APBA1: variants seen among roughly 807,000 people sequenced by gnomAD.
The protein encoded by APBA1 is amyloid-beta A4 precursor protein-binding family A member 1.
In APBA1, 55 loss-of-function variants were observed where a neutral mutation model predicts 86.6. The ratio of observed to expected loss-of-function variants is 0.64; its 90% CI spans 0.51 to 0.80. The LOEUF (loss-of-function observed/expected upper bound fraction) is 0.80. APBA1 is among the 30% of genes least tolerant of loss of function. The pLI is 0.00. For missense variants in APBA1, 1,090 were observed against 1,183.0 expected, an observed-to-expected ratio of 0.92 and a Z score of 1.15; for synonymous variants, 511 against 493.9, an observed-to-expected ratio of 1.03 and a Z score of -0.46.
intron 1 of APBA1, among the ~76,000 whole-genome samples, chr9:69,538,329 C>A (rs558778618): frequency 7.9e-5 from 12 of 152,314 alleles, no homozygotes; most frequent in African/African-American, 2.9e-4. Context: ...GGGTTGACAT[C>A]TTTAAACATC....
intron 9 of APBA1, 136 bp from the exon 10 acceptor site, chr9:69,449,932 T>C: frequency 1.5e-6 from 1 of 674,334 alleles, no homozygotes; most frequent in Non-Finnish European, 2.5e-6. Context: ...TGAGTTCCTG[T>C]CTTCTCAGCA....
At chr9:69,467,787 C>A in intron 5 of APBA1, 36 bp downstream of exon 5, 1 of 1,612,788 alleles carries the variant, frequency 6.2e-7, no homozygotes, top group Non-Finnish European at 8.5e-7. Context: ...CCTACACCAG[C>A]CCCCTGTCCC....
intron 1 of APBA1, among the ~76,000 whole-genome samples, chr9:69,645,379 T>C (rs1437452326): frequency 1.3e-5 from 2 of 152,118 alleles, no homozygotes; most frequent in Non-Finnish European, 2.9e-5. Flanking sequence ...TAAGGCAAGA[T>C]CTCATAACAA....
At chr9:69,495,630 A>G (rs1835782123) in intron 2 of APBA1, among the ~76,000 whole-genome samples, 1 of 152,054 alleles carries the variant, frequency 6.6e-6, no homozygotes, top group Non-Finnish European at 1.5e-5. Flanking sequence ...GATGTTTCTG[A>G]GAAGGGGCTG....
At position 69,516,781 on chromosome 9, in the gene APBA1, G is replaced by C. The variant is rs767220848; in HGVS notation, c.430C>G (p.Arg144Gly). The part of the protein sequence containing the change: ...EAEHAEATHR[R>G]ALPNHLHFHS... ...AAGTGCAGGTGGTTGGGCAGCGCGCGGCGGTGCGTGGCCTCGGCGTGCTCG... is the reference window on the plus strand; with the variant it reads ...AAGTGCAGGTGGTTGGGCAGCGCGCCGCGGTGCGTGGCCTCGGCGTGCTCG... The change falls in exon 2 of 13, where the codon CGC becomes GGC. Residue 144 changes from arginine to glycine, a missense_variant. This residue lies in a region of APBA1 where 678 missense variants were observed against 647.1 expected (regional missense o/e 1.05). Transcript: ENST00000265381. The surrounding 1 kb of genome is among the most constrained non-coding windows in gnomAD (Gnocchi z 7.3). 1 of 1,610,832 alleles carries C rather than the reference G, an allele frequency of 6.2e-7. No individual in the cohort carries two copies. Among genetic ancestry groups the C allele is most frequent in the East Asian group, 2.2e-5 (1 of 44,820 alleles).
At position 69,516,805 on chromosome 9, in the gene APBA1, C is replaced by G. The variant is rs369791049; in HGVS notation, c.406G>C (p.Glu136Gln). 18 of 1,608,606 alleles carry G rather than the reference C, an allele frequency of 1.1e-5. No homozygotes were observed. The highest frequency in any genetic ancestry group is 5.3e-5 in the African/African-American group (4 of 74,900). The part of the protein sequence containing the change: ...AEEYTEQAEA[E>Q]HAEATHRRAL... ...CGGCGGTGCGTGGCCTCGGCGTGCT[C>G]GGCCTCTGCCTGCTCCGTGTACTCC... The change falls in exon 2 of 13, where the codon GAG becomes CAG. Residue 136 changes from glutamate to glutamine, a missense_variant. Coordinates refer to ENST00000265381, the MANE Select transcript of APBA1 (RefSeq NM_001163.4). The surrounding 1 kb of genome is among the most constrained non-coding windows in gnomAD (Gnocchi z 7.3).
intron 1 of APBA1, among the ~76,000 whole-genome samples, chr9:69,528,913 A>C (rs1836383159): frequency 6.6e-6 from 1 of 151,982 alleles, no homozygotes; most frequent in African/African-American, 2.4e-5. Context: ...GTAATTCATT[A>C]AAATGTAGTC....
chr9:69,476,519 C>A (rs1021975817), intron 2 of APBA1, among the ~76,000 whole-genome samples: 1 of 152,054 alleles, frequency 6.6e-6, no homozygotes, highest in Non-Finnish European at 1.5e-5. Context: ...TTTAGGGTAC[C>A]GAATGTCTTA....
intron 3 of APBA1, among the ~76,000 whole-genome samples, chr9:69,472,005 G>T (rs1166220119): frequency 6.6e-6 from 1 of 152,156 alleles, no homozygotes; most frequent in Non-Finnish European, 1.5e-5. Context: ...GGCACAATTT[G>T]TATTCTTAAG....
At chr9:69,553,700 A>G (rs930429173) in intron 1 of APBA1, among the ~76,000 whole-genome samples, 3 of 152,214 alleles carry the variant, frequency 2.0e-5, no homozygotes, top group African/African-American at 7.2e-5. Flanking sequence ...ATAGATGGAC[A>G]TAGCAAATGA....
chr9:69,443,678 T>C (rs905282651), intron 10 of APBA1, among the ~76,000 whole-genome samples: 2 of 152,180 alleles, frequency 1.3e-5, no homozygotes, highest in African/African-American at 4.8e-5. Flanking sequence ...AATGTGGCTG[T>C]AATTATTTCT....
At chr9:69,672,050 C>T (rs1823960818) in intron 1 of APBA1, 103 bp downstream of exon 1, 1 of 152,976 alleles carries the variant, frequency 6.5e-6, no homozygotes, top group South Asian at 2.1e-4. Flanking sequence ...CCAGGCAGCC[C>T]CTCTCGCGTC....
At chr9:69,630,585 C>G (rs578239618) in intron 1 of APBA1, among the ~76,000 whole-genome samples, 5 of 152,126 alleles carry the variant, frequency 3.3e-5, no homozygotes, top group Non-Finnish European at 7.4e-5. Context: ...CACTCCCCAA[C>G]ACTTCTCTTG....
intron 11 of APBA1, among the ~76,000 whole-genome samples, chr9:69,433,792 T>C (rs1834646240): frequency 6.6e-6 from 1 of 151,342 alleles, no homozygotes; most frequent in Non-Finnish European, 1.5e-5. Context: ...TGGAATGATA[T>C]TTTAATTACC....
rs1032682207 is a variant in APBA1 at position 69,432,996 on chromosome 9, C to T, written c.2302-320G>A. On this transcript the variant is annotated intron_variant, in intron 11 of 12. Coordinates refer to ENST00000265381, the MANE Select transcript of APBA1 (RefSeq NM_001163.4). ...TCTGTCGCAGAGTCGCCAGTGTTTC[C>T]AAACTGTCAGCCTGTGTGACACAGG... Among the ~76,000 whole-genome samples the T allele has an allele frequency of 2.0e-5, 3 of 152,156 alleles. No individual in the cohort carries two copies. The East Asian group carries it at 5.8e-4, about 29-fold the overall frequency.
chr9:69,630,064 T>TA (rs11333666), intron 1 of APBA1, among the ~76,000 whole-genome samples: 119 of 149,418 alleles, frequency 8.0e-4, no homozygotes, highest in African/African-American at 2.1e-3. Context: ...TGTGCTATAT[T>TA]AAAAAAAAAA....
intron 2 of APBA1, among the ~76,000 whole-genome samples, chr9:69,484,876 A>G (rs945091224): frequency 6.6e-6 from 1 of 152,122 alleles, no homozygotes; most frequent in African/African-American, 2.4e-5. Flanking sequence ...GATGCACCCA[A>G]TGCTTTCTTC....
At position 69,452,119 on chromosome 9, in the gene APBA1, C is replaced by T. The variant is rs1441161363; in HGVS notation, c.1968+3G>A. On this transcript the variant is annotated splice_donor_region_variant and intron_variant, in intron 9 of 12. Coordinates refer to ENST00000265381, the MANE Select transcript of APBA1 (RefSeq NM_001163.4). ...TGGAGAACAGCTTCAGGTAAGTACC[C>T]ACATCTTTACAGTTTTCCGACTTGG... 1.2e-6 allele frequency: 2 copies of T among 1,613,694 alleles called. No homozygotes were observed. The highest frequency in any genetic ancestry group is 1.3e-5 in the African/African-American group (1 of 75,040).
At chr9:69,456,112 A>C (rs1193859708) in intron 8 of APBA1, 135 bp downstream of exon 8, 1 of 989,254 alleles carries the variant, frequency 1.0e-6, no homozygotes, top group Non-Finnish European at 1.5e-6. Flanking sequence ...TTATATCTCT[A>C]GTGCTGGAAC....
Sources: allele counts gnomAD v4.1 joint callset (sites outside exome capture counted in the v4.1 genomes callset), GRCh38; gene constraint gnomAD v4.1.1; regional missense constraint gnomAD v4.1.1; non-coding constraint Gnocchi (gnomAD v3.1); transcripts MANE v1.5; gene names NCBI Gene and HGNC (gene_info 2026-07-23, HGNC 2026-07-21).